Variants in MYH16 observed in about 807,000 individuals in gnomAD.
The protein encoded by MYH16 is putative uncharacterized protein MYH16.
intron 25 of MYH16, 26 bp downstream of exon 7, chr7:99,284,044 T>A (rs1247067722): frequency 2.3e-6 from 1 of 432,088 alleles, no homozygotes; most frequent in Non-Finnish European, 4.7e-6. Flanking sequence ...GTTCGTTTTG[T>A]CCATCACAAT....
chr7:99,240,134 T>C (rs1176550748), intron 1 of MYH16, among the ~76,000 whole-genome samples: 1 of 152,148 alleles, frequency 6.6e-6, no homozygotes, highest in East Asian at 1.9e-4. Flanking sequence ...ACTTGACACT[T>C]TGTTTAATCC....
intron 33 of MYH16, among the ~76,000 whole-genome samples, chr7:99,296,204 G>A (rs989881595): frequency 4.2e-5 from 6 of 143,156 alleles, no homozygotes; most frequent in East Asian, 4.0e-4. Context: ...GCTACCCCAC[G>A]AAAGAAACAA....
At chr7:99,286,056 C>T (rs996691840) in intron 27 of MYH16, among the ~76,000 whole-genome samples, 2 of 152,242 alleles carry the variant, frequency 1.3e-5, no homozygotes, top group Non-Finnish European at 2.9e-5. Context: ...CCTGGCTTCT[C>T]AAAGGTGAAG....
chr7:99,277,485 A>AC (rs1792130893), intron 20 of MYH16, 54 bp from the exon 3 acceptor site: 1 of 430,204 alleles, frequency 2.3e-6, no homozygotes, highest in Non-Finnish European at 4.7e-6. Context: ...CCCTCCGTCT[A>AC]CCCCCCAGCA....
rs977240046 is a variant in MYH16 at position 99,277,922 on chromosome 7, A to G, written n.2659+210A>G. On this transcript the variant is annotated intron_variant and non_coding_transcript_variant, in intron 21 of 41. Transcript: ENST00000439784. ...GTGTGTGTGTGTGTGTGTGTGAGAG[A>G]GAGAGAGAGAGAGAGACAGACAGAC... 2.1e-3 allele frequency among the ~76,000 whole-genome samples: 282 copies of G among 131,710 alleles called. 3 individuals carry two copies. Among genetic ancestry groups the G allele is most frequent in the Non-Finnish European group, 3.0e-3 (203 of 67,090 alleles). 86.4% of individuals were successfully genotyped at this position (131,710 alleles called of 152,430 possible). A position where few individuals can be genotyped will look rare whatever the true frequency, so the allele number is the denominator to read the frequency against.
downstream of MYH16, among the ~76,000 whole-genome samples, chr7:99,309,479 C>G (rs540724878): frequency 1.3e-5 from 2 of 152,308 alleles, no homozygotes; most frequent in East Asian, 1.9e-4. Flanking sequence ...TCTGAATTCT[C>G]TAACCCTGAA....
intron 7 of MYH16, chr7:99,252,922 T>C (rs1791828195): frequency 6.6e-6 from 1 of 152,632 alleles, no homozygotes; most frequent in East Asian, 1.9e-4. Flanking sequence ...AGCTACATAA[T>C]CTGTGAGGCC....
intron 1 of MYH16, among the ~76,000 whole-genome samples, chr7:99,240,397 T>G (rs1791653528): frequency 6.6e-6 from 1 of 152,064 alleles, no homozygotes; most frequent in Non-Finnish European, 1.5e-5. Flanking sequence ...AAAAAAGACA[T>G]TACTCTGCTC....
intron 19 of MYH16, among the ~76,000 whole-genome samples, chr7:99,272,430 C>G (rs1792058082): frequency 6.6e-6 from 1 of 152,194 alleles, no homozygotes; most frequent in South Asian, 2.1e-4. Flanking sequence ...TCTCCCTAAC[C>G]TGGTAATTTT....
rs751351445 is a variant in MYH16, at chr7:99,273,425, T to C, written n.2485+2T>C. The C allele has an allele frequency of 8.8e-6, 4 of 456,330 alleles. No homozygotes were observed. The highest frequency in any genetic ancestry group is 4.6e-5 in the South Asian group (3 of 64,544). 28.3% of individuals were successfully genotyped at this position (456,330 alleles called of 1,614,324 possible). On this transcript the variant is annotated splice_donor_variant and non_coding_transcript_variant, in intron 20 of 41. Transcript: ENST00000439784. Reference sequence around the variant, plus strand: ...GGCTGGTGGAAGCTGTACAACAAGGTGAGGGCCGAGGGGCCAGGCCAGGGG... The same window carrying C: ...GGCTGGTGGAAGCTGTACAACAAGGCGAGGGCCGAGGGGCCAGGCCAGGGG...
intron 18 of MYH16, among the ~76,000 whole-genome samples, chr7:99,270,412 C>T (rs1257181413): frequency 2.6e-5 from 4 of 151,072 alleles, no homozygotes; most frequent in African/African-American, 4.9e-5. Flanking sequence ...AGCTCCGCCT[C>T]CCGGGTTCAC....
intron 23 of MYH16, 48 bp from the exon 6 acceptor site, chr7:99,283,517 T>C (rs1048689679): frequency 2.2e-6 from 1 of 454,494 alleles, no homozygotes; most frequent in Non-Finnish European, 4.4e-6. Flanking sequence ...ACTGTTCAGC[T>C]GCTCCCACTG....
chr7:99,257,331 CGAG>C (rs995279968), exon 10 of MYH16: 7 of 166,286 alleles, frequency 4.2e-5, no homozygotes, highest in African/African-American at 1.2e-4. Context: ...GCTTCAGCGC[CGAG>C]GAGAAGATGG....
chr7:99,284,103 T>A lies in MYH16; in HGVS notation n.3225+85T>A, dbSNP rs1584352330. 3 of 375,876 alleles carry A rather than the reference T, an allele frequency of 8.0e-6. No individual in the cohort carries two copies. The East Asian group carries it at 2.2e-4, about 27-fold the overall frequency. The allele number at this position is 375,876 out of a possible 1,614,324, so 23.3% of individuals were successfully genotyped here. On this transcript the variant is annotated intron_variant and non_coding_transcript_variant, in intron 25 of 41. Transcript: ENST00000439784. ...GGAGGGTGCCAGGAGCCAGGCACTG[T>A]ATGGAGAGCCTCACAAACATTCCTG...
chr7:99,302,754 A>G (rs977691496), intron 38 of MYH16, among the ~76,000 whole-genome samples: 31 of 151,476 alleles, frequency 2.0e-4, no homozygotes, highest in African/African-American at 7.5e-4. Flanking sequence ...GGTGGTGTGC[A>G]TCTGTAGTCC....
intron 26 of MYH16, among the ~76,000 whole-genome samples, 171 bp downstream of exon 8, chr7:99,285,106 T>C (rs1792260381): frequency 6.6e-6 from 1 of 152,176 alleles, no homozygotes; most frequent in South Asian, 2.1e-4. Flanking sequence ...GTACAATGGT[T>C]ATGAGGCCCT....
intron 2 of MYH16, among the ~76,000 whole-genome samples, chr7:99,243,774 CAT>C: frequency 6.6e-6 from 1 of 150,836 alleles, no homozygotes; most frequent in Non-Finnish European, 1.5e-5. Context: ...TCTATCCATT[CAT>C]CCATCTATCC....
At chr7:99,255,817 C>T (rs1791865165) in intron 9 of MYH16, 1 of 152,260 alleles carries the variant, frequency 6.6e-6, no homozygotes, top group African/African-American at 2.4e-5. Context: ...CAGATCTTCC[C>T]TGGAGATTTC....
intron 33 of MYH16, 114 bp from the exon 15 acceptor site, chr7:99,296,587 G>A (rs1399244828): frequency 2.5e-5 from 10 of 402,882 alleles, no homozygotes; most frequent in South Asian, 7.2e-5. Flanking sequence ...CAAGGAGTCC[G>A]TAGTCTCAAG....
Sources: allele counts gnomAD v4.1 joint callset (sites outside exome capture counted in the v4.1 genomes callset), GRCh38; gene constraint gnomAD v4.1.1; transcripts MANE v1.5; gene names NCBI Gene and HGNC (gene_info 2026-07-23, HGNC 2026-07-21).